Variants in ANKDD1A observed in about 807,000 individuals in gnomAD.
ANKDD1A encodes ankyrin repeat and death domain-containing protein 1A.
In ANKDD1A, 59 loss-of-function variants were observed where a neutral mutation model predicts 63.5. That is an observed-to-expected ratio of 0.93 (90% CI 0.75 to 1.15). The LOEUF is 1.15. ANKDD1A is among the 50% of genes most tolerant of loss of function. The pLI, the probability that ANKDD1A is intolerant of heterozygous loss-of-function variation, is 0.00. For missense variants in ANKDD1A, 632 were observed against 656.4 expected, an observed-to-expected ratio of 0.96 and a Z score of 0.41; for synonymous variants, 266 against 263.9, an observed-to-expected ratio of 1.01 and a Z score of -0.08.
intron 5 of ANKDD1A, among the ~76,000 whole-genome samples, 182 bp from the exon 6 acceptor site, chr15:64,926,719 T>C (rs1414256067): frequency 6.6e-6 from 1 of 151,978 alleles, no homozygotes; most frequent in Admixed American, 6.6e-5. Flanking sequence ...GTGTCTCTTG[T>C]TGGGAAGTTG....
At chr15:64,948,677 T>C (rs1466313463) in intron 13 of ANKDD1A, among the ~76,000 whole-genome samples, 1 of 151,880 alleles carries the variant, frequency 6.6e-6, no homozygotes, top group Non-Finnish European at 1.5e-5. Flanking sequence ...AATACAAAAA[T>C]TAGCTGGGCA....
rs535674131 is a variant in ANKDD1A at position 64,912,923 on chromosome 15, T to C, written c.34+959T>C. On this transcript the variant is annotated intron_variant, in intron 1 of 14. Coordinates refer to ENST00000319580, the MANE Select transcript of ANKDD1A (RefSeq NM_182703.6). ...GCGAAGAATGTGTACCAATGGAGCA[T>C]TGGGGTGTGTGGCAGAGAATTCTGG... Among the ~76,000 whole-genome samples the C allele has an allele frequency of 3.9e-5, 6 of 152,278 alleles. No individual in the cohort carries two copies. The South Asian group carries it at 1.2e-3, about 32-fold the overall frequency.
At chr15:64,935,415 C>T (rs1386381683) in intron 9 of ANKDD1A, among the ~76,000 whole-genome samples, 3 of 151,874 alleles carry the variant, frequency 2.0e-5, no homozygotes, top group Admixed American at 6.6e-5. Context: ...GTGGCTCACA[C>T]CTGGAATCCC....
intron 14 of ANKDD1A, among the ~76,000 whole-genome samples, chr15:64,951,962 CTCT>C (rs200488561): frequency 0.011 from 1,593 of 141,840 alleles, 14 homozygotes; most frequent in South Asian, 0.026. Context: ...TTTCCTTCTG[CTCT>C]TCTTTCTTCT....
intron 1 of ANKDD1A, chr15:64,913,993 C>CTTTTCTTTTTTT (rs759225486): frequency 6.9e-6 from 1 of 145,100 alleles, no homozygotes; most frequent in Non-Finnish European, 1.5e-5. Flanking sequence ...TTTCTGTTTT[C>CTTTTCTTTTTTT]TTTTTTTTTT....
intron 3 of ANKDD1A, among the ~76,000 whole-genome samples, chr15:64,919,614 C>T (rs572520418): frequency 2.4e-4 from 37 of 152,184 alleles, no homozygotes; most frequent in African/African-American, 8.7e-4. Context: ...CAGCTTTTGG[C>T]GTTCTCTTGA....
In ANKDD1A at chr15:64,954,360, TCTC is replaced by T. The variant is rs1288835883; in HGVS notation, c.1484-2740_1484-2738del. On this transcript the variant is annotated intron_variant, in intron 14 of 14. Coordinates refer to ENST00000319580, the MANE Select transcript of ANKDD1A (RefSeq NM_182703.6). Reference sequence around the variant, plus strand: ...CTTCCTCCTCTCCTTCTTCTCTTCTTCTCCTTCTTCTTCCTTTTCTTTTCTTCT... The same window carrying T: ...CTTCCTCCTCTCCTTCTTCTCTTCTTCTTCTTCTTCCTTTTCTTTTCTTCT... Among the ~76,000 whole-genome samples, 38 of 80,468 alleles carry T rather than the reference TCTC, an allele frequency of 4.7e-4. No homozygotes were observed. The South Asian group carries it at 6.4e-3, about 13-fold the overall frequency. 52.8% of individuals were successfully genotyped at this position (80,468 alleles called of 152,430 possible).
At chr15:64,941,762 A>G (rs2085186262) in intron 9 of ANKDD1A, among the ~76,000 whole-genome samples, 1 of 152,188 alleles carries the variant, frequency 6.6e-6, no homozygotes, top group Non-Finnish European at 1.5e-5. Context: ...AGGGGGGAGT[A>G]TCCCCTCTTT....
chr15:64,946,104 A>G (rs2085220775), intron 12 of ANKDD1A, among the ~76,000 whole-genome samples: 1 of 152,208 alleles, frequency 6.6e-6, no homozygotes. Flanking sequence ...GTTTCAAGGA[A>G]GTCTTTTGAG....
At chr15:64,943,443 AC>A (rs1361131216) in intron 10 of ANKDD1A, 40 bp from the exon 11 acceptor site, 6 of 1,581,706 alleles carry the variant, frequency 3.8e-6, no homozygotes, top group Non-Finnish European at 4.3e-6. Flanking sequence ...GGCCACCCCT[AC>A]ATGCTTTTCA....
At chr15:64,951,781 TCTTCTTC>T (rs2085287046) in intron 14 of ANKDD1A, among the ~76,000 whole-genome samples, 2 of 148,160 alleles carry the variant, frequency 1.3e-5, no homozygotes, top group South Asian at 2.3e-4. Context: ...TTCTTTCCTT[TCTTCTTC>T]CTTCTTTCTT....
intron 2 of ANKDD1A, among the ~76,000 whole-genome samples, chr15:64,916,374 G>T (rs1029373946): frequency 4.0e-5 from 6 of 151,358 alleles, no homozygotes; most frequent in African/African-American, 1.5e-4. Context: ...ACCCAGGCTG[G>T]AGTGCAGTGG....
At chr15:64,947,316 T>C (rs2085231112) in intron 12 of ANKDD1A, 88 bp from the exon 13 acceptor site, 4 of 1,377,888 alleles carry the variant, frequency 2.9e-6, no homozygotes, top group East Asian at 2.4e-5. Flanking sequence ...GCAGAGGTGG[T>C]AGGAGGGTCA....
rs1567111225 is a variant in ANKDD1A, at chr15:64,926,120, GCGT to G, written c.422_424del (p.Ala141_Phe142delinsVal). 2.5e-6 allele frequency: 4 copies of G among 1,613,958 alleles called. No homozygotes were observed. Among genetic ancestry groups the G allele is most frequent in the Non-Finnish European group, 3.4e-6 (4 of 1,180,020 alleles). On this transcript the variant is annotated inframe_deletion, in exon 5 of 15. Transcript: ENST00000319580. Reference sequence around the variant, plus strand: ...CCAAAAAGGCCATGTGCCTGTGCTGGCGTTCATAATGGAGGACCTGGAGGATGT... The same window carrying G: ...CCAAAAAGGCCATGTGCCTGTGCTGGTCATAATGGAGGACCTGGAGGATGT...
At chr15:64,930,694 A>T in intron 6 of ANKDD1A, 128 bp from the exon 7 acceptor site, 1 of 782,566 alleles carries the variant, frequency 1.3e-6, no homozygotes, top group Non-Finnish European at 2.0e-6. Context: ...GCCCCTGGTT[A>T]TAGTTTTTGG....
intron 9 of ANKDD1A, among the ~76,000 whole-genome samples, chr15:64,941,553 A>G (rs1448755467): frequency 3.3e-5 from 5 of 152,198 alleles, no homozygotes; most frequent in African/African-American, 1.2e-4. Flanking sequence ...TCTAATATTG[A>G]TAACACTCCA....
At chr15:64,934,052 A>G in intron 8 of ANKDD1A, 84 bp from the exon 9 acceptor site, 1 of 1,167,400 alleles carries the variant, frequency 8.6e-7, no homozygotes, top group Admixed American at 2.2e-5. Context: ...TGACACTCAA[A>G]TGGAAAAATG....
chr15:64,957,030 C>G (rs1426282717), intron 14 of ANKDD1A, 73 bp from the exon 15 acceptor site: 6 of 442,462 alleles, frequency 1.4e-5, no homozygotes, highest in African/African-American at 4.1e-5. Flanking sequence ...TACTCTAAAT[C>G]TTTCTGAGCT....
chr15:64,921,787 G>T (rs2085008213), intron 3 of ANKDD1A, 134 bp from the exon 4 acceptor site: 1 of 683,812 alleles, frequency 1.5e-6, no homozygotes, highest in South Asian at 2.1e-5. Context: ...AACTCCTAAA[G>T]CTTGGAGCTC....
Sources: gnomAD v4.1 joint callset for allele counts (sites outside exome capture counted in the v4.1 genomes callset) on GRCh38, gnomAD v4.1.1 for gene constraint, MANE v1.5 for transcripts, NCBI Gene and HGNC (gene_info 2026-07-23, HGNC 2026-07-21) for gene names.